DPH2: variants seen among roughly 807,000 people sequenced by gnomAD.
DPH2 encodes 2-(3-amino-3-carboxypropyl)histidine synthase subunit 2.
DPH2 carries 28 observed loss-of-function variants against 42.5 expected under a neutral mutation model. The observed-to-expected ratio is 0.66, with a 90% CI of 0.49 to 0.90. The LOEUF (loss-of-function observed/expected upper bound fraction) is 0.90. Among genes scored for constraint, DPH2 ranks in the 40% least tolerant of loss-of-function variants. The pLI, the probability that DPH2 is intolerant of heterozygous loss-of-function variation, is 0.00. For synonymous variants in DPH2, 279 were observed against 264.4 expected, an observed-to-expected ratio of 1.06 and a Z score of -0.53; for missense variants, 576 against 636.0, an observed-to-expected ratio of 0.91 and a Z score of 1.01.
intron 3 of DPH2, 98 bp from the exon 4 acceptor site, chr1:43,971,289 C>A: frequency 6.5e-7 from 1 of 1,527,996 alleles, no homozygotes; most frequent in Non-Finnish European, 8.8e-7. Context: ...TTGATATGGG[C>A]TTGGCCCCAG....
chr1:43,972,559 CAT>C lies in DPH2; in HGVS notation c.*22_*23del, dbSNP rs572257374. 7,324 of 1,613,866 alleles carry C rather than the reference CAT, an allele frequency of 4.5e-3. 32 individuals are homozygous for C. The highest frequency in any genetic ancestry group is 5.6e-3 in the Non-Finnish European group (6,585 of 1,179,838). ...GGCTGATACCATGTGGGGCTGGAGA[CAT>C]AGATGGACTTATGAATGGCTGCTAG... On this transcript the variant is annotated 3_prime_UTR_variant, in exon 6 of 6. Transcript: ENST00000255108.
In DPH2 at chr1:43,971,370, A is replaced by G; in HGVS notation, c.485-17A>G. 6.4e-7 allele frequency: 1 copy of G among 1,559,394 alleles called. No individual in the cohort carries two copies. Among genetic ancestry groups the G allele is most frequent in the South Asian group, 1.2e-5 (1 of 83,914 alleles). On this transcript the variant is annotated splice_polypyrimidine_tract_variant and intron_variant, in intron 3 of 5. Coordinates refer to ENST00000255108, the MANE Select transcript of DPH2 (RefSeq NM_001384.5). Reference sequence around the variant, plus strand: ...TTTGCCAGGCTCCAACCTCAACACTACCTCCTTCTCTTCCAGAGGCTTTGG... The same window carrying G: ...TTTGCCAGGCTCCAACCTCAACACTGCCTCCTTCTCTTCCAGAGGCTTTGG...
rs933424711 is a variant in DPH2, at chr1:43,972,824, C to T, written c.*285C>T. The T allele has an allele frequency of 1.3e-5, 5 of 377,664 alleles. No homozygotes were observed. Among genetic ancestry groups the T allele is most frequent in the African/African-American group, 2.1e-5 (1 of 48,314 alleles). 23.4% of individuals were successfully genotyped at this position (377,664 alleles called of 1,614,324 possible). A position where few individuals can be genotyped will look rare whatever the true frequency, so the allele number is the denominator to read the frequency against. ...CTGTCTTCCTGAGGGCAGCCCAGGACCTTTGGCCAATCCCAGTTCCCAGGC... is the reference window on the plus strand; with the variant it reads ...CTGTCTTCCTGAGGGCAGCCCAGGATCTTTGGCCAATCCCAGTTCCCAGGC... On this transcript the variant is annotated 3_prime_UTR_variant, in exon 6 of 6. Coordinates refer to ENST00000255108, the MANE Select transcript of DPH2 (RefSeq NM_001384.5).
rs757675773 is a variant in DPH2 at position 43,971,366 on chromosome 1, C to A, written c.485-21C>A. ...CTGCTTTGCCAGGCTCCAACCTCAA[C>A]ACTACCTCCTTCTCTTCCAGAGGCT... On this transcript the variant is annotated intron_variant, in intron 3 of 5. Transcript: ENST00000255108. The A allele has an allele frequency of 1.6e-5, 25 of 1,557,492 alleles. No individual in the cohort carries two copies. The Middle Eastern group carries it at 1.9e-3, about 119-fold the overall frequency.
chr1:43,971,583 C>A lies in DPH2; in HGVS notation c.681C>A (p.Asp227Glu), dbSNP rs373742689. 5.6e-6 allele frequency: 9 copies of A among 1,613,898 alleles called. No homozygotes were observed. The highest frequency in any genetic ancestry group is 7.6e-6 in the Non-Finnish European group (9 of 1,179,900). Residue 227 changes from aspartate to glutamate, a missense_variant, in exon 4 of 6, where the codon GAC becomes GAA. Around this residue, in one of 3 missense-constraint regions of DPH2, gnomAD observed 395 missense variants for 435.2 expected, o/e 0.91. Transcript: ENST00000255108. ...FYVGGSKASP[D>E]PDLDPDLSRL... Reference sequence around the variant, plus strand: ...TAGGGGGCTCTAAGGCCAGCCCTGACCCAGACCTTGACCCAGACCTGAGTC... The same window carrying A: ...TAGGGGGCTCTAAGGCCAGCCCTGAACCAGACCTTGACCCAGACCTGAGTC...
chr1:43,970,618 A>G lies in DPH2; in HGVS notation c.170A>G (p.Gln57Arg). Reference sequence around the variant, plus strand: ...TAGGTTGCCTTGCAGTTCCCTGACCAGCTATTGGGAGATGCTGTGGCTGTG... The same window carrying G: ...TAGGTTGCCTTGCAGTTCCCTGACCGGCTATTGGGAGATGCTGTGGCTGTG... ...CERVALQFPD[Q>R]LLGDAVAVAA... Residue 57 changes from glutamine (Q) to arginine (R), a missense_variant, in exon 2 of 6, where the codon CAG (glutamine) becomes CGG (arginine). By Grantham distance (43) the Gln-to-Arg change is conservative. This residue lies in a region of DPH2 where 395 missense variants were observed against 435.2 expected (regional missense o/e 0.91). Transcript: ENST00000255108. 1 of 1,614,148 alleles carries G rather than the reference A, an allele frequency of 6.2e-7. No individual in the cohort carries two copies. The highest frequency in any genetic ancestry group is 8.5e-7 in the Non-Finnish European group (1 of 1,180,028).
In DPH2 at chr1:43,971,711, G is replaced by A. The variant is rs150291980; in HGVS notation, c.809G>A (p.Arg270Gln). The A allele has an allele frequency of 2.9e-5, 47 of 1,612,926 alleles. No individual in the cohort carries two copies. The highest frequency in any genetic ancestry group is 3.6e-5 in the Non-Finnish European group (42 of 1,179,984). The change falls in exon 4 of 6, where the codon CGA becomes CAA. Residue 270 changes from arginine to glutamine, a missense_variant. Arg to Gln is a conservative substitution (Grantham distance 43). Around this residue, in one of 3 missense-constraint regions of DPH2, gnomAD observed 395 missense variants for 435.2 expected, o/e 0.91. Coordinates refer to ENST00000255108, the MANE Select transcript of DPH2 (RefSeq NM_001384.5). ...GCCCGGGCTGGACGGCTAAGGGCAC[G>A]AAGACGATATCTGGTAGAGAGGGCC... Reference protein sequence around the residue: ...EGARAGRLRARRRYLVERARD... With the variant: ...EGARAGRLRAQRRYLVERARD...
intron 5 of DPH2, 29 bp from the exon 6 acceptor site, chr1:43,972,386 C>T (rs766229067): frequency 2.2e-5 from 36 of 1,613,828 alleles, no homozygotes; most frequent in Non-Finnish European, 1.2e-5. Flanking sequence ...AGATGCAGCG[C>T]ACTCAGACTG....
chr1:43,972,290 T>C lies in DPH2; in HGVS notation c.1301T>C (p.Leu434Pro). 1 of 1,614,212 alleles carries C rather than the reference T, an allele frequency of 6.2e-7. No individual in the cohort carries two copies. The highest frequency in any genetic ancestry group is 8.5e-7 in the Non-Finnish European group (1 of 1,180,034). Reference sequence around the variant, plus strand: ...TCAAATGATCATGGAAGCTTGGCTCTGACCCCACGGCCCCAGCTGGAGCTG... The same window carrying C: ...TCAAATGATCATGGAAGCTTGGCTCCGACCCCACGGCCCCAGCTGGAGCTG... Reference protein sequence around the residue: ...KSSNDHGSLALTPRPQLELAE... With the variant: ...KSSNDHGSLAPTPRPQLELAE... Residue 434 changes from leucine (L) to proline (P), a missense_variant, in exon 5 of 6, where the codon CTG becomes CCG. This residue lies in a region of DPH2 where 178 missense variants were observed against 184.4 expected (regional missense o/e 0.97). Transcript: ENST00000255108.
Position 43,972,729 on chromosome 1 carries a change from C to T in DPH2, c.*190C>T. The T allele has an allele frequency of 1.4e-6, 1 of 720,012 alleles. No homozygotes were observed. The highest frequency in any genetic ancestry group is 2.2e-6 in the Non-Finnish European group (1 of 448,536). 44.6% of individuals were successfully genotyped at this position (720,012 alleles called of 1,614,324 possible). On this transcript the variant is annotated 3_prime_UTR_variant, in exon 6 of 6. Transcript: ENST00000255108. ...GGCACTGGCACAAGCTCAGCACATG[C>T]CCAGTAATGCGTGTTGTTTGGCTGA... is the stretch of plus-strand genomic sequence containing the variant.
In DPH2 at chr1:43,972,430, C is replaced by A. The variant is rs1164570943; in HGVS notation, c.1361C>A (p.Ser454Tyr). The change falls in exon 6 of 6, where the codon TCC becomes TAC. Residue 454 changes from serine (S) to tyrosine (Y), a missense_variant. This residue lies in a region of DPH2 where 178 missense variants were observed against 184.4 expected (regional missense o/e 0.97). Coordinates refer to ENST00000255108, the MANE Select transcript of DPH2 (RefSeq NM_001384.5). ...ESSPAASFLS[S>Y]RSWQGLEPRL... Reference sequence around the variant, plus strand: ...CCCTCTACAGCCTCATTCCTTAGTTCCCGGAGCTGGCAAGGGCTGGAGCCC... The same window carrying A: ...CCCTCTACAGCCTCATTCCTTAGTTACCGGAGCTGGCAAGGGCTGGAGCCC... The A allele has an allele frequency of 1.9e-6, 3 of 1,614,106 alleles. No homozygotes were observed. Among genetic ancestry groups the A allele is most frequent in the Middle Eastern group, 1.6e-4 (1 of 6,084 alleles).
chr1:43,970,860 G>GTCT (rs1332326104), intron 2 of DPH2, 106 bp from the exon 3 acceptor site: 1 of 1,357,436 alleles, frequency 7.4e-7, no homozygotes, highest in Non-Finnish European at 1.0e-6. Flanking sequence ...CATTGACAAT[G>GTCT]TCTTCCTTTA....
chr1:43,971,238 T>G (rs2085415701), intron 3 of DPH2, 49 bp downstream of exon 3: 2 of 1,534,386 alleles, frequency 1.3e-6, no homozygotes, highest in Admixed American at 4.1e-5. Context: ...AACTGCTTTA[T>G]GCCTTAATTT....
At chr1:43,970,441 C>A in intron 1 of DPH2, 119 bp downstream of exon 1, 1 of 1,533,708 alleles carries the variant, frequency 6.5e-7, no homozygotes, top group Non-Finnish European at 8.9e-7. Context: ...GTCCGCAGCG[C>A]GTTGACCATC....
Position 43,972,620 on chromosome 1 carries a change from C to T in DPH2, c.*81C>T, listed in dbSNP as rs2085460035. ...GTGCTCCCTGCACCAACCTCCCATC[C>T]CCCTGCCAAGATCCTTGAAGGACCC... On this transcript the variant is annotated 3_prime_UTR_variant, in exon 6 of 6. Transcript: ENST00000255108. The T allele has an allele frequency of 1.9e-6, 3 of 1,572,252 alleles. No homozygotes were observed. The highest frequency in any genetic ancestry group is 2.6e-6 in the Non-Finnish European group (3 of 1,155,734).
At chr1:43,971,353 G>C (rs1296479118) in intron 3 of DPH2, 34 bp from the exon 4 acceptor site, 10 of 1,548,024 alleles carry the variant, frequency 6.5e-6, no homozygotes, top group Non-Finnish European at 8.7e-6. Context: ...GCTTTGCCAG[G>C]CTCCAACCTC....
chr1:43,971,083 A>G lies in DPH2; in HGVS notation c.378A>G (p.Gln126=), dbSNP rs1222031536. 34 of 1,564,268 alleles carry G rather than the reference A, an allele frequency of 2.2e-5. No individual in the cohort carries two copies. The highest frequency in any genetic ancestry group is 2.9e-5 in the Non-Finnish European group (33 of 1,153,288). The change falls in exon 3 of 6, where the codon CAA becomes CAG. Residue 126 remains glutamine (Q), a synonymous_variant. Transcript: ENST00000255108. Reference sequence around the variant, plus strand: ...TGCCCGTTGCCTTCGTGCTTCGTCAACGTTCTGTGGCCTTGGAGCTCTGTG... The same window carrying G: ...TGCCCGTTGCCTTCGTGCTTCGTCAGCGTTCTGTGGCCTTGGAGCTCTGTG... ...RPLPVAFVLR[Q]RSVALELCVK...
intron 2 of DPH2, 73 bp from the exon 3 acceptor site, chr1:43,970,893 C>G: frequency 6.8e-7 from 1 of 1,463,066 alleles, no homozygotes; most frequent in Non-Finnish European, 9.4e-7. Flanking sequence ...TATTCACTGA[C>G]CACATTTCCC....
chr1:43,970,743 G>A, intron 2 of DPH2, 35 bp downstream of exon 2: 1 of 1,585,738 alleles, frequency 6.3e-7, no homozygotes, highest in Non-Finnish European at 8.7e-7. Context: ...CAGGCCTGGG[G>A]ATCCGGGGCT....
Sources: gnomAD v4.1 joint callset for allele counts on GRCh38, gnomAD v4.1.1 for gene constraint, gnomAD v4.1.1 regional missense constraint, MANE v1.5 for transcripts, NCBI Gene and HGNC (gene_info 2026-07-23, HGNC 2026-07-21) for gene names.